The following PHKB variants were observed in gnomAD, a reference collection of about 807,000 sequenced individuals.
The protein encoded by PHKB is phosphorylase b kinase regulatory subunit beta.
A neutral mutation model predicts 152.1 loss-of-function variants in PHKB; 122 were observed. The ratio of observed to expected loss-of-function variants is 0.80; its 90% confidence interval spans 0.69 to 0.93. The LOEUF (loss-of-function observed/expected upper bound fraction) is 0.93, where lower values mean the gene tolerates loss of function less well. Among genes scored for constraint, PHKB ranks in the 40% least tolerant of loss-of-function variants. The pLI is 0.00. For missense variants in PHKB, 1,304 were observed against 1,328.4 expected, an observed-to-expected ratio of 0.98 and a Z score of 0.29; for synonymous variants, 436 against 464.9, an observed-to-expected ratio of 0.94 and a Z score of 0.80.
In PHKB at chr16:47,545,811, A is replaced by G. The variant is rs182188591; in HGVS notation, c.595-1622A>G. Among the ~76,000 whole-genome samples, 47 of 152,172 alleles carry G rather than the reference A, an allele frequency of 3.1e-4. No individual in the cohort carries two copies. The East Asian group carries it at 8.1e-3, about 26-fold the overall frequency. On this transcript the variant is annotated intron_variant, in intron 6 of 30. Coordinates refer to ENST00000323584, the MANE Select transcript of PHKB (RefSeq NM_000293.3). ...TTTCTTTTTACTCTTTTTTCTCTAA[A>G]TATCTCTTCTCACTTCATTTCATTC... is the stretch of plus-strand genomic sequence containing the variant.
At chr16:47,541,310 C>T (rs570792094) in intron 6 of PHKB, among the ~76,000 whole-genome samples, 14 of 152,122 alleles carry the variant, frequency 9.2e-5, no homozygotes, top group South Asian at 6.2e-4. Context: ...TCCATGTCCC[C>T]GCAAAGGACA....
chr16:47,672,921 T>C lies in PHKB; in HGVS notation c.2630+3504T>C, dbSNP rs1973661791. On this transcript the variant is annotated intron_variant, in intron 26 of 30. Coordinates refer to ENST00000323584, the MANE Select transcript of PHKB (RefSeq NM_000293.3). ...CAGGTGGCAACATGTGACTTAGTAT[T>C]TAACAGTCAACTGACTCATAAAGAA... Among the ~76,000 whole-genome samples the C allele has an allele frequency of 2.0e-5, 3 of 152,112 alleles. No homozygotes were observed. In the South Asian group the frequency reaches 6.2e-4, roughly 32 times the overall value.
At chr16:47,602,157 C>A (rs777786155) in intron 13 of PHKB, among the ~76,000 whole-genome samples, 1 of 152,126 alleles carries the variant, frequency 6.6e-6, no homozygotes, top group African/African-American at 2.4e-5. Flanking sequence ...AACTCCTGGG[C>A]TCAAGTGATC....
chr16:47,624,439 C>T (rs1972673645), intron 14 of PHKB, among the ~76,000 whole-genome samples: 1 of 152,162 alleles, frequency 6.6e-6, no homozygotes, highest in African/African-American at 2.4e-5. Context: ...GGAGATGGAG[C>T]TTTAATTTCT....
At chr16:47,533,992 C>G (rs955654208) in intron 6 of PHKB, among the ~76,000 whole-genome samples, 2 of 152,158 alleles carry the variant, frequency 1.3e-5, no homozygotes. Context: ...TGGGGCTCCC[C>G]CCTCCTCCCA....
At chr16:47,602,931 GTC>G (rs143245935) in intron 13 of PHKB, among the ~76,000 whole-genome samples, 31 of 149,544 alleles carry the variant, frequency 2.1e-4, no homozygotes, top group Admixed American at 2.0e-4. Flanking sequence ...ACTTCTCTCT[GTC>G]TCTCTCTCTC....
At chr16:47,650,230 C>T (rs950311150) in intron 18 of PHKB, among the ~76,000 whole-genome samples, 3 of 151,636 alleles carry the variant, frequency 2.0e-5, no homozygotes, top group African/African-American at 7.3e-5. Context: ...TTGGCAGTCT[C>T]TAAATAAATA....
intron 13 of PHKB, among the ~76,000 whole-genome samples, chr16:47,602,799 C>T (rs1972254878): frequency 6.6e-6 from 1 of 152,064 alleles, no homozygotes; most frequent in Non-Finnish European, 1.5e-5. Flanking sequence ...AATGGTTCTT[C>T]CACTTTCTGT....
At chr16:47,685,322 G>C (rs568185169) in intron 26 of PHKB, among the ~76,000 whole-genome samples, 1 of 152,298 alleles carries the variant, frequency 6.6e-6, no homozygotes, top group African/African-American at 2.4e-5. Context: ...CTACTCAGGA[G>C]ACTTAGGCAG....
chr16:47,496,359 A>G (rs576810935), intron 1 of PHKB, among the ~76,000 whole-genome samples: 3 of 151,742 alleles, frequency 2.0e-5, no homozygotes, highest in South Asian at 2.1e-4. Flanking sequence ...TCTTAATGTT[A>G]CTATCTGCCT....
rs1974188923 is a variant in PHKB at position 47,698,446 on chromosome 16, A to G, written c.3004-2A>G. 3 of 1,607,628 alleles carry G rather than the reference A, an allele frequency of 1.9e-6. No homozygotes were observed. Among genetic ancestry groups the G allele is most frequent in the African/African-American group, 1.3e-5 (1 of 74,812 alleles). On this transcript the variant is annotated splice_acceptor_variant, in intron 29 of 30. Transcript: ENST00000323584. LOFTEE classifies it high-confidence loss of function. ...TTGGCTTTCAATGTCTGTCTCTTCT[A>G]GTTACTTATGGTTGTATCCATTGTA...
intron 8 of PHKB, among the ~76,000 whole-genome samples, chr16:47,584,747 C>A (rs967757035): frequency 2.0e-5 from 3 of 152,040 alleles, no homozygotes; most frequent in Admixed American, 6.5e-5. Flanking sequence ...TGGTTTTGTT[C>A]CAGAATAAGA....
Position 47,665,696 on chromosome 16 carries a change from C to G in PHKB, c.2427+721C>G, listed in dbSNP as rs1223390609. 3 of 577,412 alleles carry G rather than the reference C, an allele frequency of 5.2e-6. No homozygotes were observed. In the African/African-American group the frequency reaches 5.6e-5, roughly 11 times the overall value. The allele number at this position is 577,412 out of a possible 1,614,324, so 35.8% of individuals were successfully genotyped here. Reference sequence around the variant, plus strand: ...TTTTTGCTTTTTATATCAATAGTGTCATCAATAATATTTTTGTCACAGCTT... The same window carrying G: ...TTTTTGCTTTTTATATCAATAGTGTGATCAATAATATTTTTGTCACAGCTT... On this transcript the variant is annotated intron_variant, in intron 25 of 30. Coordinates refer to ENST00000323584, the MANE Select transcript of PHKB (RefSeq NM_000293.3).
rs563948664 is a variant in PHKB at position 47,668,255 on chromosome 16, AT to A, written c.2428-956del. Among the ~76,000 whole-genome samples, 3 of 152,252 alleles carry A rather than the reference AT, an allele frequency of 2.0e-5. No homozygotes were observed. In the East Asian group the frequency reaches 5.8e-4, roughly 29 times the overall value. ...TTTGTTTTCTTCTTTACACACTGAC[AT>A]TTTAATAAAAGTATTCACACGCAGA... On this transcript the variant is annotated intron_variant, in intron 25 of 30. Coordinates refer to ENST00000323584, the MANE Select transcript of PHKB (RefSeq NM_000293.3).
chr16:47,491,019 A>G (rs1290974512), intron 1 of PHKB, among the ~76,000 whole-genome samples: 1 of 152,188 alleles, frequency 6.6e-6, no homozygotes, highest in African/African-American at 2.4e-5. Context: ...TTCATTAAAA[A>G]CACATTTTAC....
chr16:47,610,145 A>T (rs1972399534), intron 13 of PHKB, among the ~76,000 whole-genome samples: 1 of 146,182 alleles, frequency 6.8e-6, no homozygotes, highest in Non-Finnish European at 1.5e-5. Flanking sequence ...GGCACACACA[A>T]CCATGCCCAG....
chr16:47,475,829 G>GTT (rs1224234350), intron 1 of PHKB, among the ~76,000 whole-genome samples: 1 of 152,052 alleles, frequency 6.6e-6, no homozygotes, highest in African/African-American at 2.4e-5. Flanking sequence ...CAGTTTTCCT[G>GTT]TTCAAATTGA....
chr16:47,558,019 T>C (rs959910918), intron 7 of PHKB, among the ~76,000 whole-genome samples: 2 of 150,784 alleles, frequency 1.3e-5, no homozygotes, highest in African/African-American at 4.9e-5. Flanking sequence ...ATTAAGAAAA[T>C]GTGGCACATA....
In PHKB at chr16:47,657,286, T is replaced by G. The variant is rs1973356103; in HGVS notation, c.1972-3220T>G. Among the ~76,000 whole-genome samples the G allele has an allele frequency of 2.0e-5, 3 of 152,180 alleles. No individual in the cohort carries two copies. The South Asian group carries it at 6.2e-4, about 32-fold the overall frequency. On this transcript the variant is annotated intron_variant, in intron 20 of 30. Transcript: ENST00000323584. ...TATTGGCTCATTGATTCAACAAATA[T>G]TTATTGTGCTCCGACTGTAGGCACT...
Sources: allele counts gnomAD v4.1 joint callset (sites outside exome capture counted in the v4.1 genomes callset), GRCh38; gene constraint gnomAD v4.1.1; transcripts MANE v1.5; gene names NCBI Gene and HGNC (gene_info 2026-07-23, HGNC 2026-07-21).